The following ADCK5 variants were observed in gnomAD, a reference collection of about 807,000 sequenced individuals.
ADCK5 encodes uncharacterized aarF domain-containing protein kinase 5.
A neutral mutation model predicts 64.9 loss-of-function variants in ADCK5; 43 were observed. The ratio of observed to expected loss-of-function variants is 0.66; its 90% CI spans 0.52 to 0.85. The LOEUF (loss-of-function observed/expected upper bound fraction) is 0.85, where lower values mean the gene tolerates loss of function less well. Ranked by LOEUF, ADCK5 falls within the 40% of genes least tolerant of loss-of-function variation. The probability of loss-of-function intolerance (pLI) is 0.00; values close to 1 mark genes in which losing one functional copy is unlikely to be tolerated. For synonymous variants in ADCK5, 434 were observed against 342.8 expected (o/e 1.27, Z -2.94); for missense variants, 760 against 810.5 (o/e 0.94, Z 0.76).
At chr8:144,374,282 C>T (rs1819275766) in intron 1 of ADCK5, among the ~76,000 whole-genome samples, 175 bp downstream of exon 1, 1 of 152,174 alleles carries the variant, frequency 6.6e-6, no homozygotes, top group African/African-American at 2.4e-5. Context: ...CTCCGCTCAC[C>T]GCAGCTTCCG....
At chr8:144,374,661 G>C (rs1819291292) in intron 1 of ADCK5, among the ~76,000 whole-genome samples, 1 of 152,140 alleles carries the variant, frequency 6.6e-6, no homozygotes, top group African/African-American at 2.4e-5. Flanking sequence ...ACGCCTCCCT[G>C]CCCAGCCTGC....
chr8:144,374,106 C>A lies in ADCK5; in HGVS notation c.11C>A (p.Pro4Gln), dbSNP rs1471386881. ...GAGCAGTGGTCGGAGATGTGGCGAC[C>A]GGTGAGGACTCTCCCGGCCCGGGGC... MWRPVQLCHFHSAL... is the reference protein window; with the variant it reads MWRQVQLCHFHSAL... The change falls in exon 1 of 15, where the codon CCG becomes CAG. Residue 4 changes from proline (P) to glutamine (Q), a missense_variant and splice_region_variant. By Grantham distance (76) the Pro-to-Gln change is moderately conservative (BLOSUM62 -1). Coordinates refer to ENST00000308860, the MANE Select transcript of ADCK5 (RefSeq NM_174922.5). The A allele has an allele frequency of 3.2e-6, 4 of 1,248,596 alleles. No individual in the cohort carries two copies. The highest frequency in any genetic ancestry group is 1.5e-5 in the African/African-American group (1 of 64,662). The allele number at this position is 1,248,596 out of a possible 1,614,324, so 77.3% of individuals were successfully genotyped here.
chr8:144,391,641 G>T lies in ADCK5; in HGVS notation c.860G>T (p.Arg287Leu). ...GAGAATGAGGGCCGCAACGCAGAGC[G>T]CTGTGCGCGGGAGCTGGCGCACTTC... ...DFENEGRNAE[R>L]CARELAHFPY... The change falls in exon 8 of 15, where the codon CGC (arginine) becomes CTC (leucine). Residue 287 changes from arginine (R) to leucine (L), a missense_variant. Physicochemically the swap from Arg to Leu is moderately radical, Grantham distance 102. Around this residue, in one of 2 missense-constraint regions of ADCK5, gnomAD observed 427 missense variants for 518.4 expected, o/e 0.82. Transcript: ENST00000308860. The T allele has an allele frequency of 6.4e-7, 1 of 1,553,160 alleles. No homozygotes were observed.
Position 144,391,769 on chromosome 8 carries a change from C to G in ADCK5, c.931-14C>G. On this transcript the variant is annotated splice_polypyrimidine_tract_variant and intron_variant, in intron 8 of 14. Coordinates refer to ENST00000308860, the MANE Select transcript of ADCK5 (RefSeq NM_174922.5). ...GCGCTGGGCCTGCTGAGCCCAGCCT[C>G]TTGCTCTCCCCAGCGCGTGCTCACT... 6 of 1,542,968 alleles carry G rather than the reference C, an allele frequency of 3.9e-6. No individual in the cohort carries two copies. Among genetic ancestry groups the G allele is most frequent in the Non-Finnish European group, 5.2e-6 (6 of 1,149,930 alleles).
Position 144,391,514 on chromosome 8 carries a change from CGTAGGCAGAGCTGGTAGGAGCAGCTG to C in ADCK5, c.799-50_799-25del, listed in dbSNP as rs551325802. Reference sequence around the variant, plus strand: ...CTTCCCCGGCCAGCAGGAGCAAACACGTAGGCAGAGCTGGTAGGAGCAGCTGGTAGGCAGAGCTGGTCTTCAACCGC... The same window carrying C: ...CTTCCCCGGCCAGCAGGAGCAAACACGTAGGCAGAGCTGGTCTTCAACCGC... On this transcript the variant is annotated intron_variant, in intron 7 of 14. Transcript: ENST00000308860. The C allele has an allele frequency of 8.5e-4, 1,361 of 1,593,516 alleles. 8 individuals carry two copies. In the African/African-American group the frequency reaches 0.015, roughly 18 times the overall value.
chr8:144,393,209 G>T lies in ADCK5; in HGVS notation c.*135G>T. 7.4e-7 allele frequency: 1 copy of T among 1,355,672 alleles called. No homozygotes were observed. The highest frequency in any genetic ancestry group is 9.9e-7 in the Non-Finnish European group (1 of 1,011,620). 84.0% of individuals were successfully genotyped at this position (1,355,672 alleles called of 1,614,324 possible). A position where few individuals can be genotyped will look rare whatever the true frequency, so the allele number is the denominator to read the frequency against. On this transcript the variant is annotated 3_prime_UTR_variant, in exon 15 of 15. Transcript: ENST00000308860. ...GTGACAGCAGCTGGGCCAGGAGGCC[G>T]TGTAATGACCACACACTCCTCTCAA...
intron 2 of ADCK5, among the ~76,000 whole-genome samples, chr8:144,381,398 A>G (rs1417656199): frequency 2.9e-3 from 378 of 130,344 alleles, no homozygotes; most frequent in Middle Eastern, 0.015. Flanking sequence ...GTGCTCAGGC[A>G]CCTGCTGCAC....
chr8:144,382,180 G>A (rs1271347192), intron 2 of ADCK5, among the ~76,000 whole-genome samples: 5 of 148,396 alleles, frequency 3.4e-5, no homozygotes, highest in Admixed American at 6.6e-5. Context: ...ATTATGGGCC[G>A]GGTGTAGAAA....
intron 1 of ADCK5, among the ~76,000 whole-genome samples, chr8:144,378,213 C>G (rs1411911145): frequency 1.3e-5 from 2 of 152,198 alleles, no homozygotes; most frequent in African/African-American, 2.4e-5. Flanking sequence ...ACCTGGCTTC[C>G]TGGCATGATC....
Position 144,392,412 on chromosome 8 carries a change from GCCCCCTCCCTCCCTCC to G in ADCK5, c.1268-31_1268-16del, listed in dbSNP as rs1171824182. 5.4e-6 allele frequency: 8 copies of G among 1,475,700 alleles called. No homozygotes were observed. The highest frequency in any genetic ancestry group is 1.3e-5 in the South Asian group (1 of 78,402). 91.4% of individuals were successfully genotyped at this position (1,475,700 alleles called of 1,614,324 possible). On this transcript the variant is annotated splice_polypyrimidine_tract_variant and intron_variant, in intron 12 of 14. Transcript: ENST00000308860. The stretch of plus-strand genomic sequence containing the variant: ...TCGGGCGGCGCGGAACCCACTCAGA[GCCCCCTCCCTCCCTCC>G]CTCCCTCCCTCCCCAGACTACCTCC...
chr8:144,382,973 G>A, intron 2 of ADCK5, 108 bp from the exon 3 acceptor site: 1 of 1,439,682 alleles, frequency 6.9e-7, no homozygotes, highest in South Asian at 1.3e-5. Context: ...ACGTCAGAAT[G>A]GCTGTGCACA....
intron 3 of ADCK5, among the ~76,000 whole-genome samples, chr8:144,385,888 C>T (rs188268768): frequency 2.4e-4 from 35 of 145,768 alleles, no homozygotes; most frequent in African/African-American, 6.3e-4. Context: ...GGCGTGAACC[C>T]GGGAGGCGGA....
In ADCK5 at chr8:144,392,777, G is replaced by C. The variant is rs552968665; in HGVS notation, c.1522G>C (p.Ala508Pro). The change falls in exon 14 of 15, where the codon GCT becomes CCT. Residue 508 changes from alanine to proline, a missense_variant and splice_region_variant. Coordinates refer to ENST00000308860, the MANE Select transcript of ADCK5 (RefSeq NM_174922.5). ...VDRYFLMAKRAVRGWSRLAGA... is the reference protein window; with the variant it reads ...VDRYFLMAKRPVRGWSRLAGA... ...CGGCGCTAACGCGGGTGTGTGCAGGGCTGTCCGGGGCTGGAGCCGCCTGGC... is the reference window on the plus strand; with the variant it reads ...CGGCGCTAACGCGGGTGTGTGCAGGCCTGTCCGGGGCTGGAGCCGCCTGGC... 2.5e-6 allele frequency: 4 copies of C among 1,592,188 alleles called. No individual in the cohort carries two copies. Among genetic ancestry groups the C allele is most frequent in the Non-Finnish European group, 3.4e-6 (4 of 1,173,442 alleles).
chr8:144,391,396 G>A lies in ADCK5; in HGVS notation c.720G>A (p.Gly240=). Residue 240 remains glycine, a synonymous_variant, in exon 7 of 15, where the codon GGG becomes GGA. Transcript: ENST00000308860. ...TCGACCTGCGGGACCGCTTTGATGG[G>A]GACATCCACACCCTGGAGCTCCTGC... ...QYIDLRDRFD[G]DIHTLELLLR... is the part of the protein sequence containing the mutation. The A allele has an allele frequency of 1.2e-6, 2 of 1,613,218 alleles. No individual in the cohort carries two copies. Among genetic ancestry groups the A allele is most frequent in the Non-Finnish European group, 1.7e-6 (2 of 1,180,012 alleles).
intron 1 of ADCK5, chr8:144,375,610 C>G (rs557800017): frequency 4.1e-6 from 4 of 985,450 alleles, no homozygotes; most frequent in South Asian, 4.7e-5. Flanking sequence ...AAAGCACGCC[C>G]TTTGGTTGTG....
intron 3 of ADCK5, chr8:144,389,316 C>T (rs377324082): frequency 4.4e-6 from 2 of 456,532 alleles, no homozygotes; most frequent in Admixed American, 2.3e-5. Context: ...TCCTCTCTTC[C>T]TAGTGGACCT....
chr8:144,387,022 G>A (rs1368355671), intron 3 of ADCK5, among the ~76,000 whole-genome samples: 1 of 152,216 alleles, frequency 6.6e-6, no homozygotes, highest in Non-Finnish European at 1.5e-5. Flanking sequence ...GCCAAGTGCA[G>A]GGGCCTAGTG....
intron 2 of ADCK5, among the ~76,000 whole-genome samples, chr8:144,380,400 G>T (rs1819556946): frequency 6.7e-6 from 1 of 150,054 alleles, no homozygotes; most frequent in South Asian, 2.1e-4. Context: ...TATGGGCCGG[G>T]TGTAGAAACA....
chr8:144,390,597 G>A (rs2130726635), intron 3 of ADCK5, 74 bp from the exon 4 acceptor site: 3 of 1,453,038 alleles, frequency 2.1e-6, no homozygotes, highest in South Asian at 2.4e-5. Context: ...AGACCATGAG[G>A]GCTCTGACAA....
Sources: allele counts gnomAD v4.1 joint callset (sites outside exome capture counted in the v4.1 genomes callset), GRCh38; gene constraint gnomAD v4.1.1; regional missense constraint gnomAD v4.1.1; transcripts MANE v1.5; gene names NCBI Gene and HGNC (gene_info 2026-07-23, HGNC 2026-07-21).